The following ALG14 variants were observed in gnomAD, a reference collection of about 807,000 sequenced individuals.
ALG14 encodes UDP-N-acetylglucosamine transferase subunit ALG14.
Under a neutral mutation model 22.8 loss-of-function variants are expected in ALG14, and 17 were observed. That is an observed-to-expected ratio of 0.75 (90% CI 0.51 to 1.12). The LOEUF (loss-of-function observed/expected upper bound fraction) is 1.12. Ranked by LOEUF, ALG14 falls within the 50% of genes most tolerant of loss-of-function variation. The pLI is 0.00. For synonymous variants in ALG14, 89 were observed against 103.7 expected, an observed-to-expected ratio of 0.86 and a Z score of 0.86; for missense variants, 288 against 271.8, an observed-to-expected ratio of 1.06 and a Z score of -0.42.
chr1:95,048,083 T>C lies in ALG14; in HGVS notation c.288+16783A>G, dbSNP rs117140764. ...CTGCCACAGTTAATTATGGGGCATA[T>C]TCAATAAAGATTTGCTGAAATTTCC... is the stretch of plus-strand genomic sequence containing the variant. On this transcript the variant is annotated intron_variant, in intron 2 of 3. Coordinates refer to ENST00000370205, the MANE Select transcript of ALG14 (RefSeq NM_144988.4). Among the ~76,000 whole-genome samples, 11 of 152,328 alleles carry C rather than the reference T, an allele frequency of 7.2e-5. No individual in the cohort carries two copies. The East Asian group carries it at 2.1e-3, about 29-fold the overall frequency.
intron 3 of ALG14, among the ~76,000 whole-genome samples, chr1:94,998,457 CTAACTT>C (rs1333231541): frequency 1.3e-5 from 2 of 152,192 alleles, no homozygotes; most frequent in African/African-American, 2.4e-5. Flanking sequence ...TAGAGGGACA[CTAACTT>C]TAAATGTGAT....
intron 3 of ALG14, among the ~76,000 whole-genome samples, chr1:95,018,400 G>A (rs6657824): frequency 1.7e-3 from 254 of 152,102 alleles, no homozygotes; most frequent in African/African-American, 5.8e-3. Flanking sequence ...GCTGGGTGTG[G>A]TGGCACACTC....
At chr1:94,993,417 T>A (rs1428224209) in intron 3 of ALG14, among the ~76,000 whole-genome samples, 1 of 147,350 alleles carries the variant, frequency 6.8e-6, no homozygotes, top group Non-Finnish European at 1.5e-5. Context: ...TATATTTTTA[T>A]ATCTTTACAT....
At chr1:95,016,940 GGGGT>G (rs1229058787) in intron 3 of ALG14, among the ~76,000 whole-genome samples, 52 of 118,594 alleles carry the variant, frequency 4.4e-4, no homozygotes, top group African/African-American at 1.6e-3. Flanking sequence ...TTTTGCAAAA[GGGGT>G]GTGTGTGTGT....
intron 3 of ALG14, among the ~76,000 whole-genome samples, chr1:94,997,285 G>A (rs1241420808): frequency 6.6e-6 from 1 of 152,178 alleles, no homozygotes; most frequent in Non-Finnish European, 1.5e-5. Flanking sequence ...TAGCACCAGA[G>A]TGGACCCTCT....
In ALG14 at chr1:95,064,921, G is replaced by A. The variant is rs1675302648; in HGVS notation, c.233C>T (p.Ala78Val). 1.1e-5 allele frequency: 18 copies of A among 1,613,538 alleles called. No individual in the cohort carries two copies. In the East Asian group the frequency reaches 4.0e-4, roughly 36 times the overall value. ...TAGTTCAAAAGAATTTATTTTATTG[G>A]CACTCATTTCATCAGTGTCAGCAAT... ...YVIADTDEMS[A>V]NKINSFELDR... The change falls in exon 2 of 4, where the codon GCC becomes GTC. Residue 78 changes from alanine to valine, a missense_variant. Coordinates refer to ENST00000370205, the MANE Select transcript of ALG14 (RefSeq NM_144988.4).
At chr1:94,997,115 C>T (rs185899721) in intron 3 of ALG14, among the ~76,000 whole-genome samples, 17 of 152,328 alleles carry the variant, frequency 1.1e-4, no homozygotes, top group African/African-American at 4.1e-4. Flanking sequence ...ATATCCCCTG[C>T]CACTTAAGGT....
intron 3 of ALG14, among the ~76,000 whole-genome samples, chr1:95,018,710 C>T (rs1673577216): frequency 6.6e-6 from 1 of 152,132 alleles, no homozygotes; most frequent in South Asian, 2.1e-4. Flanking sequence ...CAACCTCCAG[C>T]CCCTCCCAAT....
chr1:95,052,164 C>A (rs1461277245), intron 2 of ALG14, among the ~76,000 whole-genome samples: 1 of 152,016 alleles, frequency 6.6e-6, no homozygotes, highest in Non-Finnish European at 1.5e-5. Context: ...CAAACAAAAA[C>A]ATGAAAAGTC....
At chr1:95,062,993 T>A (rs926616007) in intron 2 of ALG14, among the ~76,000 whole-genome samples, 1 of 152,228 alleles carries the variant, frequency 6.6e-6, no homozygotes, top group African/African-American at 2.4e-5. Context: ...ATCGCCATTC[T>A]GAGTGGTGTG....
chr1:95,048,784 G>A (rs537651869), intron 2 of ALG14, among the ~76,000 whole-genome samples: 1 of 151,592 alleles, frequency 6.6e-6, no homozygotes, highest in South Asian at 2.1e-4. Context: ...TAATTTCACA[G>A]TCAAATATCC....
Position 94,980,283 on chromosome 1 carries a change from C to T in ALG14, c.*2793G>A, listed in dbSNP as rs568083684. On this transcript the variant is annotated 3_prime_UTR_variant, in exon 4 of 4. Transcript: ENST00000370205. ...CACGGTTTCATAGCACTCTTCGTTC[C>T]AGGCTAAAGTTTCCTGTCATGATTT... is the stretch of plus-strand genomic sequence containing the variant. The T allele has an allele frequency of 2.0e-5, 3 of 152,214 alleles. No homozygotes were observed. In the East Asian group the frequency reaches 5.8e-4, roughly 29 times the overall value. 9.4% of individuals were successfully genotyped at this position (152,214 alleles called of 1,614,324 possible). A position where few individuals can be genotyped will look rare whatever the true frequency, so the allele number is the denominator to read the frequency against.
chr1:95,039,658 A>G (rs1242981718), intron 2 of ALG14, among the ~76,000 whole-genome samples: 1 of 152,224 alleles, frequency 6.6e-6, no homozygotes, highest in Non-Finnish European at 1.5e-5. Context: ...ATTAGAAAAC[A>G]TACACAGGTA....
chr1:95,055,678 T>C (rs926309702), intron 2 of ALG14, among the ~76,000 whole-genome samples: 3 of 151,388 alleles, frequency 2.0e-5, no homozygotes, highest in African/African-American at 7.3e-5. Flanking sequence ...TTTAAAAACC[T>C]ATGTAAGAAA....
In ALG14 at chr1:95,043,086, T is replaced by C. The variant is rs192434078; in HGVS notation, c.289-15826A>G. Among the ~76,000 whole-genome samples the C allele has an allele frequency of 7.6e-3, 1,159 of 152,226 alleles. 9 individuals carry two copies. Among genetic ancestry groups the C allele is most frequent in the Non-Finnish European group, 0.01 (714 of 68,016 alleles). ...TGTTCTTAGTTTTTTAAAAAATAGG[T>C]CTCATTCTTGTTTTAATGAAATAAT... is the stretch of plus-strand genomic sequence containing the variant. On this transcript the variant is annotated intron_variant, in intron 2 of 3. Coordinates refer to ENST00000370205, the MANE Select transcript of ALG14 (RefSeq NM_144988.4).
At chr1:95,069,203 G>C (rs1290935145) in intron 1 of ALG14, among the ~76,000 whole-genome samples, 1 of 152,198 alleles carries the variant, frequency 6.6e-6, no homozygotes, top group Non-Finnish European at 1.5e-5. Flanking sequence ...GATAAGTCAT[G>C]TGCGGTGGCA....
rs11362013 is a variant in ALG14, at chr1:95,018,579, GA to G, written c.420+8549del. Among the ~76,000 whole-genome samples the G allele has an allele frequency of 3.6e-3, 553 of 152,056 alleles. 6 individuals are homozygous for G. The highest frequency in any genetic ancestry group is 0.013 in the African/African-American group (524 of 41,500). On this transcript the variant is annotated intron_variant, in intron 3 of 3. Transcript: ENST00000370205. ...CAAAAGAAAAAAGAAAAAAGGGACG[GA>G]AGGAAGGAAGGAAGGGTAAATATGG...
At chr1:95,017,952 G>A (rs1258219862) in intron 3 of ALG14, among the ~76,000 whole-genome samples, 1 of 152,136 alleles carries the variant, frequency 6.6e-6, no homozygotes, top group Non-Finnish European at 1.5e-5. Context: ...TTAAAAGCAA[G>A]TGCATCTGCC....
intron 3 of ALG14, among the ~76,000 whole-genome samples, chr1:95,010,626 G>T (rs1306813349): frequency 6.6e-6 from 1 of 152,070 alleles, no homozygotes; most frequent in Non-Finnish European, 1.5e-5. Context: ...TTGGTTATAG[G>T]TGAATTCAGG....
Sources: gnomAD v4.1 joint callset for allele counts (sites outside exome capture counted in the v4.1 genomes callset) on GRCh38, gnomAD v4.1.1 for gene constraint, MANE v1.5 for transcripts, NCBI Gene and HGNC (gene_info 2026-07-23, HGNC 2026-07-21) for gene names.